KMT2C: variants seen among roughly 807,000 people sequenced by gnomAD.
KMT2C encodes the protein histone-lysine N-methyltransferase 2C.
KMT2C carries 88 observed loss-of-function variants against 507.9 expected under a neutral mutation model. That is an observed-to-expected ratio of 0.17 (90% CI 0.15 to 0.21). The LOEUF is 0.21. Ranked by LOEUF, KMT2C falls within the 10% of genes least tolerant of loss-of-function variation. KMT2C has a pLI of 1.00. For missense variants in KMT2C, 4,954 were observed against 5,957.8 expected (o/e 0.83, Z 5.55); for synonymous variants, 2,049 against 2,080.8 (o/e 0.98, Z 0.42).
At chr7:152,247,348 C>CT (rs1282760782) in intron 14 of KMT2C, among the ~76,000 whole-genome samples, 1 of 152,008 alleles carries the variant, frequency 6.6e-6, no homozygotes, top group African/African-American at 2.4e-5. Context: ...CAGTACAATT[C>CT]TAAGATTTTT....
intron 1 of KMT2C, among the ~76,000 whole-genome samples, chr7:152,371,812 C>G (rs1171435766): frequency 6.6e-6 from 1 of 151,990 alleles, no homozygotes; most frequent in African/African-American, 2.4e-5. Context: ...TGGAATTTCA[C>G]CATATTGGCC....
intron 9 of KMT2C, among the ~76,000 whole-genome samples, chr7:152,253,542 A>AT (rs2095597583): frequency 2.7e-5 from 4 of 149,684 alleles, no homozygotes; most frequent in Non-Finnish European, 5.9e-5. Context: ...AAAAAAAAAA[A>AT]ATTTAATTAG....
At chr7:152,417,303 G>C (rs1457946948) in intron 1 of KMT2C, among the ~76,000 whole-genome samples, 1 of 151,978 alleles carries the variant, frequency 6.6e-6, no homozygotes, top group Non-Finnish European at 1.5e-5. Flanking sequence ...ATTTTTACTA[G>C]AGATGGGTTT....
chr7:152,307,248 A>AGGAAGGAAGGAAGGACGGAC (rs1253285455), intron 6 of KMT2C, among the ~76,000 whole-genome samples: 6 of 117,074 alleles, frequency 5.1e-5, no homozygotes, highest in South Asian at 2.8e-4. Context: ...GAAGGAAGGA[A>AGGAAGGAAGGAAGGACGGAC]GGACGGTAGG....
chr7:152,294,242 T>C (rs1043116700), intron 6 of KMT2C, among the ~76,000 whole-genome samples: 5 of 152,346 alleles, frequency 3.3e-5, no homozygotes, highest in African/African-American at 1.2e-4. Context: ...TATCTTGCTG[T>C]ACCGACACCT....
intron 14 of KMT2C, among the ~76,000 whole-genome samples, chr7:152,246,550 T>G (rs2095477204): frequency 6.6e-6 from 1 of 152,014 alleles, no homozygotes; most frequent in Non-Finnish European, 1.5e-5. Flanking sequence ...TAAGTAAAAT[T>G]TAACAGGAAT....
At chr7:152,307,613 G>A (rs950035926) in intron 6 of KMT2C, among the ~76,000 whole-genome samples, 7 of 152,246 alleles carry the variant, frequency 4.6e-5, no homozygotes, top group East Asian at 1.9e-4. Flanking sequence ...AAACAAAGTC[G>A]GAAGGGATGC....
chr7:152,152,790 A>G lies in KMT2C; in HGVS notation c.12441T>C (p.Pro4147=), dbSNP rs2129097541. 18 of 1,614,182 alleles carry G rather than the reference A, an allele frequency of 1.1e-5. No individual in the cohort carries two copies. Among genetic ancestry groups the G allele is most frequent in the Non-Finnish European group, 1.5e-5 (18 of 1,180,032 alleles). ...TGGGAGGGTTTGCAGATCCTGGCGGAGGCCCACGGAGAAGTAAATGCTGTC... is the reference window on the plus strand; with the variant it reads ...TGGGAGGGTTTGCAGATCCTGGCGGGGGCCCACGGAGAAGTAAATGCTGTC... The part of the protein sequence containing the change: ...EYRQHLLLRG[P]PPGSANPPRL... The change falls in exon 49 of 59, where the codon CCT becomes CCC. Residue 4147 remains proline, a synonymous_variant. Coordinates refer to ENST00000262189, the MANE Select transcript of KMT2C (RefSeq NM_170606.3).
intron 6 of KMT2C, among the ~76,000 whole-genome samples, chr7:152,303,549 G>A (rs2096590086): frequency 6.6e-6 from 1 of 152,150 alleles, no homozygotes; most frequent in Admixed American, 6.5e-5. Context: ...GAGAAAATAT[G>A]ATAAAGCAAA....
chr7:152,264,881 T>C (rs534041821), intron 8 of KMT2C, among the ~76,000 whole-genome samples, 157 bp downstream of exon 8: 10 of 151,730 alleles, frequency 6.6e-5, no homozygotes, highest in African/African-American at 1.9e-4. Flanking sequence ...TGGATAAATG[T>C]TATAATATCC....
intron 1 of KMT2C, among the ~76,000 whole-genome samples, chr7:152,373,119 C>T (rs1190757498): frequency 6.6e-6 from 1 of 151,844 alleles, no homozygotes; most frequent in East Asian, 1.9e-4. Flanking sequence ...GTCATATTTA[C>T]AAATCAAGGA....
chr7:152,242,872 T>C (rs1016847810), intron 14 of KMT2C, among the ~76,000 whole-genome samples: 1 of 152,104 alleles, frequency 6.6e-6, no homozygotes, highest in African/African-American at 2.4e-5. Context: ...AAATCCTAAA[T>C]CAACCCCAGC....
In KMT2C at chr7:152,177,450, G is replaced by A. The variant is rs377629002; in HGVS notation, c.8003C>T (p.Ser2668Phe). The A allele has an allele frequency of 3.1e-6, 5 of 1,614,070 alleles. No homozygotes were observed. In the African/African-American group the frequency reaches 5.3e-5, roughly 17 times the overall value. The change falls in exon 38 of 59, where the codon TCT becomes TTT. Residue 2668 changes from serine (S) to phenylalanine (F), a missense_variant. By Grantham distance (155) the Ser-to-Phe change is radical. Transcript: ENST00000262189. ...CTGTAAATTATCAGACGTTGTTTCAGACGGTACAGATGTTGACAAAGGAGC... is the reference window on the plus strand; with the variant it reads ...CTGTAAATTATCAGACGTTGTTTCAAACGGTACAGATGTTGACAAAGGAGC... Reference protein sequence around the residue: ...SEAPLSTSVPSETTSDNLQIT... With the variant: ...SEAPLSTSVPFETTSDNLQIT...
chr7:152,312,602 C>A (rs2096682619), intron 4 of KMT2C, among the ~76,000 whole-genome samples: 1 of 151,928 alleles, frequency 6.6e-6, no homozygotes, highest in African/African-American at 2.4e-5. Context: ...AAAATAGCTA[C>A]CAAAGGCATG....
chr7:152,185,522 T>G (rs1216342879), intron 34 of KMT2C, 36 bp downstream of exon 34: 2 of 1,499,576 alleles, frequency 1.3e-6, no homozygotes, highest in Non-Finnish European at 1.9e-6. Context: ...GCACTGTATT[T>G]AAATATTTAA....
intron 1 of KMT2C, among the ~76,000 whole-genome samples, chr7:152,429,405 A>G (rs987338755): frequency 1.3e-5 from 2 of 152,220 alleles, no homozygotes; most frequent in African/African-American, 4.8e-5. Context: ...AGAATATTAC[A>G]AAGTGCAAAA....
intron 53 of KMT2C, 67 bp downstream of exon 53, chr7:152,146,532 T>A (rs1411498297): frequency 6.8e-7 from 1 of 1,479,698 alleles, no homozygotes; most frequent in Non-Finnish European, 9.4e-7. Flanking sequence ...TGTTACAGCA[T>A]GTGTTCAAGT....
intron 31 of KMT2C, 132 bp from the exon 32 acceptor site, chr7:152,187,979 G>A (rs762849770): frequency 2.2e-5 from 19 of 846,104 alleles, no homozygotes; most frequent in Non-Finnish European, 3.5e-5. Context: ...TCAACTGAAT[G>A]TGGATAGAAA....
intron 23 of KMT2C, among the ~76,000 whole-genome samples, chr7:152,209,170 A>G (rs2094390180): frequency 7.2e-6 from 1 of 138,142 alleles, no homozygotes; most frequent in Non-Finnish European, 1.6e-5. Flanking sequence ...TCAAAAAAAA[A>G]AAAAGGCCAG....
Sources: gnomAD v4.1 joint callset for allele counts (sites outside exome capture counted in the v4.1 genomes callset) on GRCh38, gnomAD v4.1.1 for gene constraint, MANE v1.5 for transcripts, NCBI Gene and HGNC (gene_info 2026-07-23, HGNC 2026-07-21) for gene names.